Variants in CEP112 observed in about 807,000 individuals in gnomAD.
The protein encoded by CEP112 is centrosomal protein of 112 kDa.
Under a neutral mutation model 153.0 loss-of-function variants are expected in CEP112, and 127 were observed. The ratio of observed to expected loss-of-function variants is 0.83; its 90% CI spans 0.72 to 0.96. The LOEUF is 0.96. CEP112 is among the 40% of genes least tolerant of loss of function. The pLI, the probability that CEP112 is intolerant of heterozygous loss-of-function variation, is 0.00. For missense variants in CEP112, 1,089 were observed against 1,101.2 expected, an observed-to-expected ratio of 0.99 and a Z score of 0.16; for synonymous variants, 358 against 374.4, an observed-to-expected ratio of 0.96 and a Z score of 0.51.
chr17:65,799,332 C>T lies in CEP112; in HGVS notation c.2395-48608G>A, dbSNP rs75776254. Among the ~76,000 whole-genome samples, 223 of 152,278 alleles carry T rather than the reference C, an allele frequency of 1.5e-3. 2 individuals carry two copies. The highest frequency in any genetic ancestry group is 5.1e-3 in the African/African-American group (212 of 41,564). On this transcript the variant is annotated intron_variant, in intron 21 of 26. Coordinates refer to ENST00000535342, the MANE Select transcript of CEP112 (RefSeq NM_001199165.4). The stretch of plus-strand genomic sequence containing the variant: ...CGGAGCTGGGAATGTAAGCTGGCAC[C>T]GGATCCTCTACCTTACCCACATACA...
chr17:65,820,924 T>G (rs909828871), intron 21 of CEP112, among the ~76,000 whole-genome samples: 2 of 151,986 alleles, frequency 1.3e-5, no homozygotes, highest in African/African-American at 4.8e-5. Context: ...TGACCCGGGG[T>G]TGCTTCCTTA....
Position 66,005,772 on chromosome 17 carries a change from G to A in CEP112, c.1657-3C>T. 1.3e-6 allele frequency: 2 copies of A among 1,594,174 alleles called. No individual in the cohort carries two copies. Among genetic ancestry groups the A allele is most frequent in the East Asian group, 2.3e-5 (1 of 44,066 alleles). On this transcript the variant is annotated splice_polypyrimidine_tract_variant and splice_region_variant and intron_variant, in intron 16 of 26. Transcript: ENST00000535342. ...AGTTCACTCTGCAAGTCATGAGCCT[G>A]CCATGACAAGAACATGGAAAATTTA...
intron 4 of CEP112, among the ~76,000 whole-genome samples, chr17:66,146,094 T>A (rs769778578): frequency 2.0e-5 from 3 of 152,080 alleles, no homozygotes; most frequent in Non-Finnish European, 4.4e-5. Context: ...AAGGTCTTTG[T>A]CTTCTTTTGG....
At chr17:66,057,165 AATGACGACGG>A (rs974280697) in intron 11 of CEP112, among the ~76,000 whole-genome samples, 2 of 152,178 alleles carry the variant, frequency 1.3e-5, no homozygotes, top group African/African-American at 4.8e-5. Flanking sequence ...TGGGACATGG[AATGACGACGG>A]ACAGACTGGA....
intron 21 of CEP112, among the ~76,000 whole-genome samples, chr17:65,788,260 T>G (rs2054388545): frequency 6.6e-6 from 1 of 152,196 alleles, no homozygotes; most frequent in Non-Finnish European, 1.5e-5. Flanking sequence ...TCAGTCCAGC[T>G]TGGTTGAAAT....
Position 65,972,244 on chromosome 17 carries a change from A to G in CEP112, c.1737-10646T>C, listed in dbSNP as rs1297377242. Among the ~76,000 whole-genome samples the G allele has an allele frequency of 2.0e-5, 3 of 152,240 alleles. No homozygotes were observed. The East Asian group carries it at 5.8e-4, about 29-fold the overall frequency. On this transcript the variant is annotated intron_variant, in intron 17 of 26. Coordinates refer to ENST00000535342, the MANE Select transcript of CEP112 (RefSeq NM_001199165.4). ...AATTAAAAATCAATAAAAGAAAGAT[A>G]TCTGGGAAATCCCCAAATATTTGGA...
chr17:65,939,272 G>A (rs1237294015), intron 18 of CEP112, among the ~76,000 whole-genome samples: 5 of 152,000 alleles, frequency 3.3e-5, no homozygotes, highest in Non-Finnish European at 4.4e-5. Context: ...CTGTGTTCTC[G>A]GATCAGAAGA....
intron 11 of CEP112, among the ~76,000 whole-genome samples, chr17:66,061,679 T>G (rs373867083): frequency 1.3e-5 from 2 of 151,784 alleles, no homozygotes; most frequent in African/African-American, 4.8e-5. Flanking sequence ...TTGTGTTCAG[T>G]GGAATAAACT....
At chr17:65,696,044 C>T (rs1478511498) in intron 23 of CEP112, among the ~76,000 whole-genome samples, 1 of 152,214 alleles carries the variant, frequency 6.6e-6, no homozygotes, top group East Asian at 1.9e-4. Flanking sequence ...ATAAAAGTCA[C>T]CCTTCTGAGT....
intron 20 of CEP112, among the ~76,000 whole-genome samples, chr17:65,881,738 T>G (rs2059084541): frequency 2.0e-5 from 3 of 152,196 alleles, no homozygotes; most frequent in Non-Finnish European, 4.4e-5. Context: ...AAATACTGAA[T>G]TTAGTTTATG....
chr17:65,983,027 C>A (rs2063284016), intron 17 of CEP112, among the ~76,000 whole-genome samples: 1 of 152,076 alleles, frequency 6.6e-6, no homozygotes, highest in African/African-American at 2.4e-5. Flanking sequence ...TCCCTAGAGA[C>A]AGAAAGCAGA....
chr17:66,169,193 C>T (rs988016162), intron 4 of CEP112, among the ~76,000 whole-genome samples: 1 of 151,294 alleles, frequency 6.6e-6, no homozygotes, highest in African/African-American at 2.4e-5. Context: ...TTTAGAAGTC[C>T]ACATGATACA....
intron 18 of CEP112, among the ~76,000 whole-genome samples, chr17:65,952,322 T>C (rs2144648844): frequency 6.6e-6 from 1 of 152,200 alleles, no homozygotes; most frequent in Middle Eastern, 3.4e-3. Context: ...CAAGACTTTC[T>C]CACTGAAAAG....
intron 18 of CEP112, among the ~76,000 whole-genome samples, chr17:65,933,550 G>T (rs1223685626): frequency 1.3e-5 from 2 of 152,066 alleles, no homozygotes; most frequent in Non-Finnish European, 2.9e-5. Context: ...AGTACTGAAG[G>T]AAAAAAGCTG....
chr17:66,074,782 G>A (rs1199050978), intron 8 of CEP112, among the ~76,000 whole-genome samples: 1 of 142,232 alleles, frequency 7.0e-6, no homozygotes, highest in African/African-American at 2.6e-5. Flanking sequence ...AGAATTGCTT[G>A]AACCCAGGAG....
intron 23 of CEP112, among the ~76,000 whole-genome samples, chr17:65,733,085 TAG>T (rs2050603487): frequency 6.6e-6 from 1 of 152,352 alleles, no homozygotes; most frequent in African/African-American, 2.4e-5. Flanking sequence ...GGTTTAAAGT[TAG>T]AGATGTGTGA....
At chr17:65,837,907 A>G (rs1410806534) in intron 21 of CEP112, among the ~76,000 whole-genome samples, 2 of 152,166 alleles carry the variant, frequency 1.3e-5, no homozygotes, top group Non-Finnish European at 2.9e-5. Context: ...GTTAAGAGTC[A>G]TCACCACTCC....
At chr17:66,153,091 G>A (rs2071276224) in intron 4 of CEP112, among the ~76,000 whole-genome samples, 1 of 152,144 alleles carries the variant, frequency 6.6e-6, no homozygotes, top group Non-Finnish European at 1.5e-5. Flanking sequence ...TGGAATATTG[G>A]TAATGGGGAT....
At chr17:65,687,387 G>A (rs990375048) in intron 24 of CEP112, among the ~76,000 whole-genome samples, 7 of 151,820 alleles carry the variant, frequency 4.6e-5, no homozygotes, top group African/African-American at 1.7e-4. Flanking sequence ...GGCTGGTCTC[G>A]AACTCCTGAC....
Sources: allele counts gnomAD v4.1 joint callset (sites outside exome capture counted in the v4.1 genomes callset), GRCh38; gene constraint gnomAD v4.1.1; transcripts MANE v1.5; gene names NCBI Gene and HGNC (gene_info 2026-07-23, HGNC 2026-07-21).